The following PAFAH1B1 variants were observed in gnomAD, a reference collection of about 807,000 sequenced individuals.
PAFAH1B1 encodes the protein platelet activating factor acetylhydrolase 1b regulatory subunit 1, also known as platelet-activating factor acetylhydrolase IB subunit beta.
PAFAH1B1 carries 2 observed loss-of-function variants against 57.5 expected under a neutral mutation model. The observed-to-expected ratio is 0.03, with a 90% CI of 0.01 to 0.11. The LOEUF is 0.11. PAFAH1B1 is among the 10% of genes least tolerant of loss of function. The pLI is 1.00. For missense variants in PAFAH1B1, 257 were observed against 512.0 expected (o/e 0.50, Z 4.81); for synonymous variants, 152 against 169.6 (o/e 0.90, Z 0.81).
In PAFAH1B1 at chr17:2,674,126, C is replaced by T. The variant is rs779796742; in HGVS notation, c.738C>T (p.Gly246=). Reference sequence around the variant, plus strand: ...GTATGGTACGGCCAAATCAAGATGGCACTCTGATAGCCAGCTGTTCCAATG... The same window carrying T: ...GTATGGTACGGCCAAATCAAGATGGTACTCTGATAGCCAGCTGTTCCAATG... The part of the protein sequence containing the change: ...WVRMVRPNQD[G]TLIASCSNDQ... The change falls in exon 8 of 11, where the codon GGC becomes GGT. Residue 246 remains glycine, a synonymous_variant. Transcript: ENST00000397195. 2.2e-5 allele frequency: 36 copies of T among 1,614,044 alleles called. No homozygotes were observed. Among genetic ancestry groups the T allele is most frequent in the Non-Finnish European group, 2.8e-5 (33 of 1,180,006 alleles).
At chr17:2,635,992 A>T (rs2068619483) in intron 1 of PAFAH1B1, among the ~76,000 whole-genome samples, 1 of 151,630 alleles carries the variant, frequency 6.6e-6, no homozygotes, top group South Asian at 2.1e-4. Context: ...GGTTGGTGGC[A>T]CATGCCTGTA....
intron 2 of PAFAH1B1, among the ~76,000 whole-genome samples, chr17:2,659,776 A>G (rs1403020929): frequency 6.6e-6 from 1 of 151,718 alleles, no homozygotes; most frequent in African/African-American, 2.4e-5. Context: ...AACAGGCTTC[A>G]GTGAGCCGAG....
At chr17:2,670,535 CT>C (rs1388912588) in intron 6 of PAFAH1B1, among the ~76,000 whole-genome samples, 1 of 152,272 alleles carries the variant, frequency 6.6e-6, no homozygotes, top group East Asian at 1.9e-4. Context: ...TCTTTTAGTA[CT>C]TTACATAAAA....
At chr17:2,670,398 C>G in intron 6 of PAFAH1B1, 67 bp downstream of exon 6, 3 of 1,375,184 alleles carry the variant, frequency 2.2e-6, no homozygotes, top group Non-Finnish European at 3.1e-6. Flanking sequence ...AATATTGTTT[C>G]TAACAGTGTA....
intron 5 of PAFAH1B1, chr17:2,667,402 G>C (rs1181666320): frequency 5.4e-5 from 28 of 523,260 alleles, no homozygotes; most frequent in East Asian, 2.8e-4. Flanking sequence ...CCTATGAAGA[G>C]GGACAGGAGG....
chr17:2,680,768 A>C (rs2069371372), intron 10 of PAFAH1B1: 1 of 259,812 alleles, frequency 3.8e-6, no homozygotes, highest in Non-Finnish European at 7.6e-6. Context: ...AAGAGAGTGA[A>C]TACAGTCAAG....
At chr17:2,597,564 C>T (rs1217762005) in intron 1 of PAFAH1B1, among the ~76,000 whole-genome samples, 1 of 151,616 alleles carries the variant, frequency 6.6e-6, no homozygotes, top group Non-Finnish European at 1.5e-5. Flanking sequence ...GTGCCTGCCA[C>T]TACACCTGGC....
At chr17:2,601,751 T>C (rs1482930658) in intron 1 of PAFAH1B1, among the ~76,000 whole-genome samples, 10 of 152,096 alleles carry the variant, frequency 6.6e-5, no homozygotes, top group Admixed American at 6.6e-4. Context: ...CTAATTTTTC[T>C]ATTTTCTGTA....
rs1425555610 is a variant in PAFAH1B1 at position 2,684,777 on chromosome 17, G to T, written c.*2975G>T. ...TCACTAGTGTTAGCAAGTCGTCCCGGGCTGGGGAGCGTTCGCCGTAGTCTT... is the reference window on the plus strand; with the variant it reads ...TCACTAGTGTTAGCAAGTCGTCCCGTGCTGGGGAGCGTTCGCCGTAGTCTT... On this transcript the variant is annotated 3_prime_UTR_variant, in exon 11 of 11. Coordinates refer to ENST00000397195, the MANE Select transcript of PAFAH1B1 (RefSeq NM_000430.4). 1 of 152,740 alleles carries T rather than the reference G, an allele frequency of 6.5e-6. No homozygotes were observed. Among genetic ancestry groups the T allele is most frequent in the East Asian group, 1.9e-4 (1 of 5,182 alleles). 9.5% of individuals were successfully genotyped at this position (152,740 alleles called of 1,614,324 possible). A position where few individuals can be genotyped will look rare whatever the true frequency, so the allele number is the denominator to read the frequency against.
intron 7 of PAFAH1B1, 34 bp from the exon 8 acceptor site, chr17:2,674,026 C>A: frequency 6.9e-7 from 1 of 1,445,484 alleles, no homozygotes; most frequent in Non-Finnish European, 9.7e-7. Flanking sequence ...TGATGATTGT[C>A]ATTCACAGTG....
chr17:2,668,811 T>TA (rs1319352358), intron 5 of PAFAH1B1, among the ~76,000 whole-genome samples: 1 of 151,908 alleles, frequency 6.6e-6, no homozygotes, highest in African/African-American at 2.4e-5. Context: ...CCGTCTCTAC[T>TA]AAAAAATACA....
intron 5 of PAFAH1B1, among the ~76,000 whole-genome samples, chr17:2,669,587 T>C (rs1041158650): frequency 6.6e-6 from 1 of 152,218 alleles, no homozygotes; most frequent in Non-Finnish European, 1.5e-5. Flanking sequence ...CAAAATGACA[T>C]ATGCTCTTGT....
In PAFAH1B1 at chr17:2,670,163, G is replaced by C. The variant is rs779220451; in HGVS notation, c.400G>C (p.Val134Leu). 6.2e-7 allele frequency: 1 copy of C among 1,614,010 alleles called. No homozygotes were observed. Among genetic ancestry groups the C allele is most frequent in the Non-Finnish European group, 8.5e-7 (1 of 1,179,844 alleles). Reference protein sequence around the residue: ...VSASEDATIKVWDYETGDFER... With the variant: ...VSASEDATIKLWDYETGDFER... ...AACCAATTTTCTGTTCACTTGACAG[G>C]TGTGGGATTATGAGACTGGAGATTT... is the stretch of plus-strand genomic sequence containing the variant. Residue 134 changes from valine to leucine, a missense_variant and splice_region_variant, in exon 6 of 11, where the codon GTG (valine) becomes CTG (leucine). Transcript: ENST00000397195.
chr17:2,641,760 A>G (rs1359240599), intron 2 of PAFAH1B1: 1 of 152,204 alleles, frequency 6.6e-6, no homozygotes, highest in Non-Finnish European at 1.5e-5. Context: ...AGATACGGGC[A>G]CTAGGTATGG....
At chr17:2,619,024 C>T (rs964082339) in intron 1 of PAFAH1B1, among the ~76,000 whole-genome samples, 15 of 150,456 alleles carry the variant, frequency 1.0e-4, no homozygotes, top group East Asian at 3.9e-4. Context: ...TAATTCTTCA[C>T]GATGTTAAAC....
chr17:2,668,459 G>A (rs939634220), intron 5 of PAFAH1B1, among the ~76,000 whole-genome samples: 2 of 152,148 alleles, frequency 1.3e-5, no homozygotes, highest in African/African-American at 4.8e-5. Context: ...GGCCAAGGTG[G>A]GAGGACTGCT....
At chr17:2,634,861 T>C (rs2068601474) in intron 1 of PAFAH1B1, among the ~76,000 whole-genome samples, 1 of 152,146 alleles carries the variant, frequency 6.6e-6, no homozygotes, top group Admixed American at 6.6e-5. Context: ...CTGTAACTTC[T>C]TGAATGTAAA....
intron 5 of PAFAH1B1, chr17:2,667,459 G>A (rs764265602): frequency 1.5e-5 from 6 of 391,358 alleles, no homozygotes; most frequent in African/African-American, 2.1e-5. Flanking sequence ...AGACAGAATT[G>A]GAATAAAATA....
chr17:2,636,978 C>T (rs1371059889), intron 1 of PAFAH1B1, among the ~76,000 whole-genome samples: 1 of 152,082 alleles, frequency 6.6e-6, no homozygotes, highest in Non-Finnish European at 1.5e-5. Flanking sequence ...GCCTTAACCT[C>T]CCAAAGTACT....
Sources: allele counts gnomAD v4.1 joint callset (sites outside exome capture counted in the v4.1 genomes callset), GRCh38; gene constraint gnomAD v4.1.1; transcripts MANE v1.5; gene names NCBI Gene and HGNC (gene_info 2026-07-23, HGNC 2026-07-21).